The following SLC9A1 variants were observed in gnomAD, a reference collection of about 807,000 sequenced individuals.
SLC9A1 encodes the protein solute carrier family 9 member A1.
A neutral mutation model predicts 67.9 loss-of-function variants in SLC9A1; 22 were observed. That is an observed-to-expected ratio of 0.32 (90% CI 0.23 to 0.46). The LOEUF is 0.46. Among genes scored for constraint, SLC9A1 ranks in the 20% least tolerant of loss-of-function variants. SLC9A1 has a pLI of 1.00. For missense variants in SLC9A1, 686 were observed against 1,094.8 expected, an observed-to-expected ratio of 0.63 and a Z score of 5.27; for synonymous variants, 421 against 471.8, an observed-to-expected ratio of 0.89 and a Z score of 1.40.
At chr1:27,103,103 A>C (rs2083159535) in intron 6 of SLC9A1, 120 bp downstream of exon 6, 2 of 775,602 alleles carry the variant, frequency 2.6e-6, no homozygotes, top group Non-Finnish European at 4.5e-6. Context: ...GGGCAGAGGG[A>C]GCCCCTGGGC....
intron 1 of SLC9A1, among the ~76,000 whole-genome samples, chr1:27,119,085 A>ACT (rs1491088991): frequency 2.2e-5 from 3 of 139,080 alleles, no homozygotes; most frequent in South Asian, 2.4e-4. Flanking sequence ...ACACACACAC[A>ACT]CTCTTGCTGA....
At chr1:27,142,428 T>C (rs1164514315) in intron 1 of SLC9A1, among the ~76,000 whole-genome samples, 1 of 152,238 alleles carries the variant, frequency 6.6e-6, no homozygotes, top group Non-Finnish European at 1.5e-5. Context: ...GAATATTCTA[T>C]ACTTTCATTC....
chr1:27,101,023 G>T lies in SLC9A1; in HGVS notation c.2110+180C>A, dbSNP rs115896271. Among the ~76,000 whole-genome samples, 2 of 152,200 alleles carry T rather than the reference G, an allele frequency of 1.3e-5. No individual in the cohort carries two copies. Among genetic ancestry groups the T allele is most frequent in the Admixed American group, 6.5e-5 (1 of 15,288 alleles). ...TCCCCACACAGTCCTCGCCCGGAAC[G>T]TCTCTCTCCCTAGGGATGGCCCCTG... On this transcript the variant is annotated intron_variant, in intron 11 of 11. Coordinates refer to ENST00000263980, the MANE Select transcript of SLC9A1 (RefSeq NM_003047.5). This position sits in a 1 kb window ranked among gnomAD's most constrained non-coding sequence, Gnocchi z 4.9.
Position 27,101,958 on chromosome 1 carries a change from A to G in SLC9A1, c.1935+58T>C, listed in dbSNP as rs2124127961. 1 of 1,475,396 alleles carries G rather than the reference A, an allele frequency of 6.8e-7. No individual in the cohort carries two copies. Among genetic ancestry groups the G allele is most frequent in the Non-Finnish European group, 9.5e-7 (1 of 1,056,734 alleles). 91.4% of individuals were successfully genotyped at this position (1,475,396 alleles called of 1,614,324 possible). Reference sequence around the variant, plus strand: ...GGCACGGGCAGGGCAGGGCTGCCGTAGAGAGGGGCTGAAGGGCTCCTGTAC... The same window carrying G: ...GGCACGGGCAGGGCAGGGCTGCCGTGGAGAGGGGCTGAAGGGCTCCTGTAC... On this transcript the variant is annotated intron_variant, in intron 9 of 11. Coordinates refer to ENST00000263980, the MANE Select transcript of SLC9A1 (RefSeq NM_003047.5). This position sits in a 1 kb window ranked among gnomAD's most constrained non-coding sequence, Gnocchi z 4.9.
At chr1:27,104,694 C>T (rs974168227) in intron 5 of SLC9A1, among the ~76,000 whole-genome samples, 2 of 152,178 alleles carry the variant, frequency 1.3e-5, no homozygotes, top group African/African-American at 4.8e-5. Context: ...AGGGTCCCCT[C>T]TCCCTTTAAA....
chr1:27,131,439 C>CAAAAA (rs35954506), intron 1 of SLC9A1, among the ~76,000 whole-genome samples: 5 of 27,490 alleles, frequency 1.8e-4, no homozygotes, highest in African/African-American at 3.4e-4. Context: ...ACTAAAAATA[C>CAAAAA]AAAAAAAAAA....
intron 1 of SLC9A1, among the ~76,000 whole-genome samples, chr1:27,138,028 G>A (rs1404615300): frequency 6.6e-6 from 1 of 152,190 alleles, no homozygotes; most frequent in Non-Finnish European, 1.5e-5. Flanking sequence ...ACTGAGTGGG[G>A]CCAGCCCAGG....
At chr1:27,135,052 T>C (rs12406672) in intron 1 of SLC9A1, among the ~76,000 whole-genome samples, 1 of 150,320 alleles carries the variant, frequency 6.7e-6, no homozygotes, top group Admixed American at 6.6e-5. Context: ...GTTGTTTTTA[T>C]GCCAAATTTT....
chr1:27,134,134 C>G (rs1570877105), intron 1 of SLC9A1, among the ~76,000 whole-genome samples: 1 of 152,258 alleles, frequency 6.6e-6, no homozygotes, highest in Middle Eastern at 3.4e-3. Context: ...GTGAGTCGGT[C>G]AGAGCTGAGC....
rs561288894 is a variant in SLC9A1, at chr1:27,116,932, C to A, written c.353-2646G>T. The stretch of plus-strand genomic sequence containing the variant: ...CTAGAAATCATTCCTCTACCTCTAC[C>A]CCCACCATATGTGGCTGACACCATA... On this transcript the variant is annotated intron_variant, in intron 1 of 11. Coordinates refer to ENST00000263980, the MANE Select transcript of SLC9A1 (RefSeq NM_003047.5). Among the ~76,000 whole-genome samples the A allele has an allele frequency of 4.5e-4, 68 of 152,250 alleles. 2 individuals carry two copies. The South Asian group carries it at 0.013, about 30-fold the overall frequency.
At chr1:27,121,022 G>A (rs573746143) in intron 1 of SLC9A1, among the ~76,000 whole-genome samples, 67 of 152,280 alleles carry the variant, frequency 4.4e-4, no homozygotes, top group African/African-American at 1.5e-3. Flanking sequence ...TCACCAGGAA[G>A]AGAATTCAAG....
At chr1:27,135,398 C>G (rs935010498) in intron 1 of SLC9A1, among the ~76,000 whole-genome samples, 3 of 151,758 alleles carry the variant, frequency 2.0e-5, no homozygotes, top group Non-Finnish European at 4.4e-5. Flanking sequence ...TAGAGAAAAG[C>G]CCAGGATGAA....
At chr1:27,124,366 T>C (rs2083326572) in intron 1 of SLC9A1, among the ~76,000 whole-genome samples, 1 of 152,206 alleles carries the variant, frequency 6.6e-6, no homozygotes, top group South Asian at 2.1e-4. Flanking sequence ...TAGTATTGCT[T>C]CCAGTTGAAA....
intron 1 of SLC9A1, among the ~76,000 whole-genome samples, chr1:27,139,616 T>G (rs1413147644): frequency 6.6e-6 from 1 of 151,192 alleles, no homozygotes; most frequent in Non-Finnish European, 1.5e-5. Context: ...TGCAGTTAGC[T>G]TCTCTGCCCA....
At chr1:27,128,427 G>A (rs531759817) in intron 1 of SLC9A1, among the ~76,000 whole-genome samples, 3 of 152,222 alleles carry the variant, frequency 2.0e-5, no homozygotes, top group East Asian at 1.9e-4. Flanking sequence ...AGGCCGAGGC[G>A]AGAGGATCAC....
At chr1:27,104,333 C>T (rs558888567) in intron 5 of SLC9A1, among the ~76,000 whole-genome samples, 4 of 152,300 alleles carry the variant, frequency 2.6e-5, no homozygotes, top group East Asian at 3.9e-4. Flanking sequence ...CCGCCTGCCT[C>T]GGCCTCCCAA....
chr1:27,138,970 C>T (rs2083437120), intron 1 of SLC9A1, among the ~76,000 whole-genome samples: 1 of 152,020 alleles, frequency 6.6e-6, no homozygotes, highest in Non-Finnish European at 1.5e-5. Context: ...CGGGAATCAC[C>T]CGGGTTGGAG....
rs760853326 is a variant in SLC9A1, at chr1:27,114,337, G to T, written c.353-51C>A. The T allele has an allele frequency of 7.4e-6, 11 of 1,496,106 alleles. No homozygotes were observed. The allele number at this position is 1,496,106 out of a possible 1,614,324, so 92.7% of individuals were successfully genotyped here. A position where few individuals can be genotyped will look rare whatever the true frequency, so the allele number is the denominator to read the frequency against. On this transcript the variant is annotated intron_variant, in intron 1 of 11. Transcript: ENST00000263980. This position sits in a 1 kb window ranked among gnomAD's most constrained non-coding sequence, Gnocchi z 5.4. ...CCATGGGCTTTCGGAGGAGCCAGGA[G>T]AATAGAAGGTTGGGGATGGGCCGGG...
chr1:27,126,779 T>C (rs1570869276), intron 1 of SLC9A1, among the ~76,000 whole-genome samples: 1 of 152,162 alleles, frequency 6.6e-6, no homozygotes, highest in Non-Finnish European at 1.5e-5. Flanking sequence ...TCATGTCTGG[T>C]TTAACTTTTT....
Sources: gnomAD v4.1 joint callset for allele counts (sites outside exome capture counted in the v4.1 genomes callset) on GRCh38, gnomAD v4.1.1 for gene constraint, Gnocchi (gnomAD v3.1) non-coding constraint, MANE v1.5 for transcripts, NCBI Gene and HGNC (gene_info 2026-07-23, HGNC 2026-07-21) for gene names.